RFC3: variants seen among roughly 807,000 people sequenced by gnomAD.
RFC3 encodes replication factor C subunit 3.
RFC3 carries 41 observed loss-of-function variants against 45.1 expected under a neutral mutation model. That is an observed-to-expected ratio of 0.91 (90% CI 0.71 to 1.18). The LOEUF (loss-of-function observed/expected upper bound fraction) is 1.18, where lower values mean the gene tolerates loss of function less well. Among genes scored for constraint, RFC3 ranks in the 50% most tolerant of loss-of-function variants. RFC3 has a pLI of 0.00. For synonymous variants in RFC3, 149 were observed against 144.0 expected (o/e 1.03, Z -0.25); for missense variants, 423 against 428.1 (o/e 0.99, Z 0.10).
At chr13:33,927,477 T>C (rs185175374) in intron 8 of RFC3, among the ~76,000 whole-genome samples, 1 of 152,250 alleles carries the variant, frequency 6.6e-6, no homozygotes, top group Non-Finnish European at 1.5e-5. Context: ...GCTGTTTTCT[T>C]GGAAGGGGCT....
chr13:33,836,939 G>A lies in RFC3; in HGVS notation c.*644G>A, dbSNP rs1242766557. ...TGAAGAAAATTCAGAATGAAGTTCT[G>A]GAGAAAGGTATGTTACTGTAGTAAT... On this transcript the variant is annotated 3_prime_UTR_variant, in exon 9 of 9. Coordinates refer to ENST00000380071, the MANE Select transcript of RFC3 (RefSeq NM_002915.4). 2.0e-5 allele frequency: 20 copies of A among 984,774 alleles called. No individual in the cohort carries two copies. The highest frequency in any genetic ancestry group is 2.4e-5 in the Non-Finnish European group (20 of 829,612). The allele number at this position is 984,774 out of a possible 1,614,324, so 61.0% of individuals were successfully genotyped here.
At chr13:33,904,094 A>G (rs533715635) in intron 8 of RFC3, among the ~76,000 whole-genome samples, 2 of 151,588 alleles carry the variant, frequency 1.3e-5, no homozygotes, top group East Asian at 3.9e-4. Context: ...TGAACATACT[A>G]AAATTGTTTA....
chr13:33,933,131 A>G (rs1038374878), intron 8 of RFC3, among the ~76,000 whole-genome samples: 1 of 152,140 alleles, frequency 6.6e-6, no homozygotes, highest in Non-Finnish European at 1.5e-5. Context: ...CATTGATGCA[A>G]ATGCTTATGG....
chr13:33,960,941 A>G (rs2083053120), intron 8 of RFC3, among the ~76,000 whole-genome samples: 1 of 152,198 alleles, frequency 6.6e-6, no homozygotes, highest in Admixed American at 6.5e-5. Flanking sequence ...TTCTTATTGC[A>G]GTCCCTACAT....
Position 33,883,565 on chromosome 13 carries a change from G to A in RFC3, c.879+48348G>A, listed in dbSNP as rs931626168. 2.0e-5 allele frequency among the ~76,000 whole-genome samples: 3 copies of A among 152,058 alleles called. No homozygotes were observed. The East Asian group carries it at 5.8e-4, about 29-fold the overall frequency. On this transcript the variant is annotated intron_variant, in intron 8 of 8. Coordinates refer to the RFC3 transcript ENST00000434425. ...GAAACAATTGGGGGAATCTGAATGA[G>A]GCTGAAGGATCATATCACTATCAAT...
chr13:33,860,913 A>G (rs1410554915), intron 8 of RFC3, among the ~76,000 whole-genome samples: 2 of 55,098 alleles, frequency 3.6e-5, no homozygotes, highest in Non-Finnish European at 1.8e-4. Flanking sequence ...ATATATATAT[A>G]TATTTTTTTA....
At chr13:33,909,546 C>T (rs2082691874) in intron 8 of RFC3, among the ~76,000 whole-genome samples, 1 of 152,038 alleles carries the variant, frequency 6.6e-6, no homozygotes, top group African/African-American at 2.4e-5. Flanking sequence ...CCCTCTCTCT[C>T]TTCTCTTTCT....
intron 8 of RFC3, among the ~76,000 whole-genome samples, chr13:33,842,851 T>C (rs2082209560): frequency 6.6e-6 from 1 of 152,218 alleles, no homozygotes; most frequent in Non-Finnish European, 1.5e-5. Flanking sequence ...CTGGTTTCCA[T>C]GTGTGAATCA....
rs5802695 is a variant in RFC3, at chr13:33,860,233, CTT to C, written c.879+25027_879+25028del. Among the ~76,000 whole-genome samples, 687 of 148,068 alleles carry C rather than the reference CTT, an allele frequency of 4.6e-3. 6 individuals carry two copies. The highest frequency in any genetic ancestry group is 0.014 in the African/African-American group (576 of 40,488). On this transcript the variant is annotated intron_variant, in intron 8 of 8. Transcript: ENST00000434425. ...GCTGGAGAAGACTAAGTGTGTTGCA[CTT>C]TTTTTTTTTTCTTTTGAGAAGGAAA...
At chr13:33,852,581 A>G (rs189925313) in intron 8 of RFC3, among the ~76,000 whole-genome samples, 1,763 of 152,240 alleles carry the variant, frequency 0.012, 36 homozygotes, top group African/African-American at 0.04. Flanking sequence ...ACATTGAGAA[A>G]TAATAATAAA....
intron 8 of RFC3, among the ~76,000 whole-genome samples, chr13:33,843,768 A>G (rs979189649): frequency 2.7e-4 from 41 of 152,228 alleles, no homozygotes; most frequent in African/African-American, 9.6e-4. Context: ...TGGGCTGTCA[A>G]CACTGCCCAA....
Position 33,853,636 on chromosome 13 carries a change from C to T in RFC3, c.879+18419C>T, listed in dbSNP as rs117885306. Among the ~76,000 whole-genome samples the T allele has an allele frequency of 1.0e-3, 157 of 152,206 alleles. 1 individual carries two copies. The highest frequency in any genetic ancestry group is 1.1e-3 in the Non-Finnish European group (73 of 67,992). On this transcript the variant is annotated intron_variant, in intron 8 of 8. Coordinates refer to the RFC3 transcript ENST00000434425. Reference sequence around the variant, plus strand: ...AAGAAAGAATACAGGGAGAAAGGTACGTTGAAGATGGAGTTAGACCAACAT... The same window carrying T: ...AAGAAAGAATACAGGGAGAAAGGTATGTTGAAGATGGAGTTAGACCAACAT...
chr13:33,855,457 A>G (rs972399254), intron 8 of RFC3, among the ~76,000 whole-genome samples: 1 of 152,082 alleles, frequency 6.6e-6, no homozygotes, highest in African/African-American at 2.4e-5. Flanking sequence ...GTGTGTCTTT[A>G]TGATAGAAGG....
chr13:33,829,791 T>C (rs772051205), intron 4 of RFC3, 45 bp from the exon 5 acceptor site: 3 of 1,473,918 alleles, frequency 2.0e-6, no homozygotes, highest in East Asian at 2.3e-5. Context: ...AGTTAAAGTT[T>C]GAGTGAACTC....
intron 8 of RFC3, among the ~76,000 whole-genome samples, chr13:33,934,903 A>G (rs188867822): frequency 6.6e-6 from 1 of 152,140 alleles, no homozygotes; most frequent in Admixed American, 6.5e-5. Context: ...CATGATGGGA[A>G]CCATCAGCCT....
At chr13:33,956,828 A>T (rs1180409077) in intron 8 of RFC3, among the ~76,000 whole-genome samples, 4 of 152,208 alleles carry the variant, frequency 2.6e-5, no homozygotes, top group African/African-American at 9.7e-5. Context: ...AATAAATAGT[A>T]AAGTTGTATA....
intron 8 of RFC3, among the ~76,000 whole-genome samples, chr13:33,947,807 C>A (rs1003048739): frequency 1.3e-5 from 2 of 152,116 alleles, no homozygotes; most frequent in African/African-American, 4.8e-5. Context: ...TTAGCAAAGA[C>A]ACTGGTGGCA....
At position 33,891,603 on chromosome 13, in the gene RFC3, A is replaced by T. The variant is rs77346260; in HGVS notation, c.879+56386A>T. On this transcript the variant is annotated intron_variant, in intron 8 of 8. Transcript: ENST00000434425. ...CAAGGAGAAATGATAGATGTATTTTATCTTAATTGCATCAAATCTTGATTA... is the reference window on the plus strand; with the variant it reads ...CAAGGAGAAATGATAGATGTATTTTTTCTTAATTGCATCAAATCTTGATTA... Among the ~76,000 whole-genome samples the T allele has an allele frequency of 2.1e-3, 316 of 152,330 alleles. 3 individuals are homozygous for T. Among genetic ancestry groups the T allele is most frequent in the East Asian group, 0.019 (98 of 5,186 alleles).
At chr13:33,897,224 A>G (rs961738022) in intron 8 of RFC3, among the ~76,000 whole-genome samples, 1 of 152,118 alleles carries the variant, frequency 6.6e-6, no homozygotes, top group African/African-American at 2.4e-5. Flanking sequence ...TAGACAATAT[A>G]AAAATATGTA....
Sources: gnomAD v4.1 joint callset for allele counts (sites outside exome capture counted in the v4.1 genomes callset) on GRCh38, gnomAD v4.1.1 for gene constraint, MANE v1.5 for transcripts, NCBI Gene and HGNC (gene_info 2026-07-23, HGNC 2026-07-21) for gene names.